MAGI2: variants seen among roughly 807,000 people sequenced by gnomAD.
MAGI2 encodes membrane-associated guanylate kinase, WW and PDZ domain-containing protein 2.
A neutral mutation model predicts 133.3 loss-of-function variants in MAGI2; 35 were observed. The observed-to-expected ratio is 0.26, with a 90% CI of 0.20 to 0.35. MAGI2 has a LOEUF of 0.35. Ranked by LOEUF, MAGI2 falls within the 10% of genes least tolerant of loss-of-function variation. The pLI is 1.00. For missense variants in MAGI2, 1,636 were observed against 1,863.4 expected (o/e 0.88, Z 2.25); for synonymous variants, 729 against 710.6 (o/e 1.03, Z -0.41).
At chr7:79,234,841 C>A (rs1831729808) in intron 1 of MAGI2, among the ~76,000 whole-genome samples, 1 of 151,550 alleles carries the variant, frequency 6.6e-6, no homozygotes, top group Non-Finnish European at 1.5e-5. Context: ...TGGTGAGGAA[C>A]TGCGTTCCTT....
chr7:79,123,806 A>AAC (rs1463133464), intron 1 of MAGI2, among the ~76,000 whole-genome samples: 4 of 151,170 alleles, frequency 2.6e-5, no homozygotes, highest in Non-Finnish European at 4.4e-5. Flanking sequence ...AAAAAAAAAA[A>AAC]AGAGATAACG....
intron 2 of MAGI2, among the ~76,000 whole-genome samples, chr7:78,691,631 C>A (rs1472921157): frequency 6.6e-6 from 1 of 151,966 alleles, no homozygotes; most frequent in African/African-American, 2.4e-5. Context: ...TTTAGCTTGA[C>A]CAAAAGAGCA....
intron 1 of MAGI2, among the ~76,000 whole-genome samples, chr7:79,432,559 C>T (rs1270768551): frequency 6.6e-6 from 1 of 152,214 alleles, no homozygotes; most frequent in Non-Finnish European, 1.5e-5. Context: ...ATTTCCACTA[C>T]ATGGTAGGTC....
At chr7:78,410,439 G>A (rs1797770482) in intron 6 of MAGI2, among the ~76,000 whole-genome samples, 1 of 151,958 alleles carries the variant, frequency 6.6e-6, no homozygotes, top group Non-Finnish European at 1.5e-5. Flanking sequence ...TAGAAGGCCA[G>A]GGTTGTGTTT....
intron 1 of MAGI2, among the ~76,000 whole-genome samples, chr7:79,339,762 C>G (rs531773544): frequency 1.3e-5 from 2 of 152,152 alleles, no homozygotes; most frequent in South Asian, 4.1e-4. Flanking sequence ...TAATGAATAT[C>G]TTGTCTGGAC....
At chr7:78,335,066 G>A (rs988937300) in intron 9 of MAGI2, among the ~76,000 whole-genome samples, 3 of 152,306 alleles carry the variant, frequency 2.0e-5, no homozygotes, top group South Asian at 2.1e-4. Flanking sequence ...CTGCTTTCAC[G>A]ATAGCAGAGT....
intron 3 of MAGI2, among the ~76,000 whole-genome samples, chr7:78,545,153 A>G (rs1291643537): frequency 6.6e-6 from 1 of 151,570 alleles, no homozygotes; most frequent in Non-Finnish European, 1.5e-5. Flanking sequence ...TGAAATTATA[A>G]GTCTTCAGCA....
chr7:78,846,843 ACT>A (rs530077846), intron 2 of MAGI2, among the ~76,000 whole-genome samples: 190 of 151,942 alleles, frequency 1.3e-3, no homozygotes, highest in African/African-American at 4.4e-3. Flanking sequence ...ATGAAGTAAA[ACT>A]CTTTCCAGGT....
chr7:78,249,240 G>A (rs1792122914), intron 10 of MAGI2, among the ~76,000 whole-genome samples: 1 of 152,194 alleles, frequency 6.6e-6, no homozygotes, highest in African/African-American at 2.4e-5. Flanking sequence ...GTGGAGAAAA[G>A]GGAACCCTTG....
intron 12 of MAGI2, among the ~76,000 whole-genome samples, chr7:78,187,798 A>G (rs3807663): frequency 0.43 from 64,918 of 151,948 alleles, 14,555 homozygotes; most frequent in Non-Finnish European, 0.51. Context: ...TAGGTATAAA[A>G]CTGACATTTT....
chr7:78,255,792 T>G, intron 10 of MAGI2, 151 bp downstream of exon 10: 1 of 794,668 alleles, frequency 1.3e-6, no homozygotes, highest in South Asian at 1.6e-5. Context: ...AAAGTTTCCT[T>G]TAATTCATGT....
chr7:78,323,260 T>C (rs1288666414), intron 9 of MAGI2, among the ~76,000 whole-genome samples: 1 of 152,176 alleles, frequency 6.6e-6, no homozygotes, highest in Non-Finnish European at 1.5e-5. Flanking sequence ...CTACAAGAAA[T>C]ATCTTTCTGT....
intron 9 of MAGI2, among the ~76,000 whole-genome samples, chr7:78,343,068 G>T (rs1790557649): frequency 6.6e-6 from 1 of 151,890 alleles, no homozygotes; most frequent in Admixed American, 6.6e-5. Flanking sequence ...ACAAGTTATG[G>T]GACTTATCCA....
At chr7:78,432,555 G>T (rs941080027) in intron 6 of MAGI2, among the ~76,000 whole-genome samples, 1 of 151,928 alleles carries the variant, frequency 6.6e-6, no homozygotes, top group African/African-American at 2.4e-5. Flanking sequence ...ATGCCTTGTT[G>T]ACTTCTTTTG....
chr7:78,653,411 A>G (rs1284371697), intron 2 of MAGI2, among the ~76,000 whole-genome samples: 2 of 152,298 alleles, frequency 1.3e-5, no homozygotes, highest in East Asian at 3.9e-4. Flanking sequence ...TAGACTGGAT[A>G]AAGAAAATGT....
At chr7:78,403,498 C>A (rs1229641564) in intron 6 of MAGI2, among the ~76,000 whole-genome samples, 1 of 151,940 alleles carries the variant, frequency 6.6e-6, no homozygotes, top group Non-Finnish European at 1.5e-5. Flanking sequence ...GATTTATAAT[C>A]CTTTGGGTAT....
chr7:78,853,434 C>T (rs991875798), intron 2 of MAGI2, among the ~76,000 whole-genome samples: 4 of 131,176 alleles, frequency 3.0e-5, no homozygotes, highest in Non-Finnish European at 6.2e-5. Flanking sequence ...TAGCTCACTG[C>T]AGCCTCTATC....
intron 2 of MAGI2, among the ~76,000 whole-genome samples, chr7:78,722,066 C>T (rs192011293): frequency 6.6e-6 from 1 of 151,036 alleles, no homozygotes; most frequent in Admixed American, 6.6e-5. Context: ...TTAACTAACA[C>T]CCATAAAAGG....
At chr7:79,400,505 T>C (rs1029307537) in intron 1 of MAGI2, among the ~76,000 whole-genome samples, 2 of 152,164 alleles carry the variant, frequency 1.3e-5, no homozygotes, top group African/African-American at 4.8e-5. Context: ...GGAATAGATG[T>C]ACAGAACAGC....
Sources: allele counts gnomAD v4.1 joint callset (sites outside exome capture counted in the v4.1 genomes callset), GRCh38; gene constraint gnomAD v4.1.1; transcripts MANE v1.5; gene names NCBI Gene and HGNC (gene_info 2026-07-23, HGNC 2026-07-21).